Variants in DTWD2 observed in about 807,000 individuals in gnomAD.
DTWD2 encodes tRNA-uridine aminocarboxypropyltransferase 2.
DTWD2 carries 39 observed loss-of-function variants against 31.8 expected under a neutral mutation model. The observed-to-expected ratio is 1.22, with a 90% CI of 0.95 to 1.60. The LOEUF is 1.60. Among genes scored for constraint, DTWD2 ranks in the 40% most tolerant of loss-of-function variants. The probability of loss-of-function intolerance (pLI) is 0.00; values close to 1 mark genes in which losing one functional copy is unlikely to be tolerated. For missense variants in DTWD2, 515 were observed against 381.5 expected, an observed-to-expected ratio of 1.35 and a Z score of -2.92; for synonymous variants, 180 against 142.8, an observed-to-expected ratio of 1.26 and a Z score of -1.86.
chr5:118,864,898 G>C (rs1580774103), intron 4 of DTWD2, among the ~76,000 whole-genome samples: 2 of 152,048 alleles, frequency 1.3e-5, no homozygotes, highest in African/African-American at 2.4e-5. Context: ...GGCTGCCAAA[G>C]CCATATTGCG....
chr5:118,936,581 G>A (rs568180470), intron 3 of DTWD2, among the ~76,000 whole-genome samples: 1 of 152,212 alleles, frequency 6.6e-6, no homozygotes, highest in African/African-American at 2.4e-5. Context: ...AAGATGAGAG[G>A]ATCACTTGAG....
intron 4 of DTWD2, among the ~76,000 whole-genome samples, chr5:118,914,338 A>C (rs141825031): frequency 4.8e-4 from 73 of 152,240 alleles, no homozygotes; most frequent in African/African-American, 1.6e-3. Flanking sequence ...GACAAAGCAC[A>C]CCATCTTGGA....
intron 4 of DTWD2, among the ~76,000 whole-genome samples, chr5:118,866,354 TA>T (rs1752380761): frequency 1.3e-5 from 2 of 152,226 alleles, no homozygotes; most frequent in East Asian, 3.9e-4. Context: ...GACAGCATAC[TA>T]GTGATTACAG....
chr5:118,872,344 A>T (rs1752524503), intron 4 of DTWD2, among the ~76,000 whole-genome samples: 1 of 152,228 alleles, frequency 6.6e-6, no homozygotes, highest in Admixed American at 6.5e-5. Flanking sequence ...TTGGTACAAG[A>T]GGCCTAGTTT....
At chr5:118,944,490 T>C (rs1415973684) in intron 2 of DTWD2, 69 bp downstream of exon 2, 6 of 1,452,948 alleles carry the variant, frequency 4.1e-6, no homozygotes, top group Non-Finnish European at 5.7e-6. Flanking sequence ...AGGATAAGTA[T>C]GTTTATCTTC....
chr5:118,884,433 C>T (rs1002869217), intron 4 of DTWD2, among the ~76,000 whole-genome samples: 1 of 152,162 alleles, frequency 6.6e-6, no homozygotes, highest in Non-Finnish European at 1.5e-5. Flanking sequence ...GAAGATAATT[C>T]CATGTCACAT....
chr5:118,836,797 C>G lies in DTWD2; in HGVS notation c.*4120G>C, dbSNP rs1751580354. On this transcript the variant is annotated 3_prime_UTR_variant, in exon 6 of 6. Transcript: ENST00000510708. ...CACCATCTATGAACCAGTGAGTGGG[C>G]CCCTCACCAGACACCAAATCTGCTG... Among the ~76,000 whole-genome samples, 1 of 152,098 alleles carries G rather than the reference C, an allele frequency of 6.6e-6. No individual in the cohort carries two copies. Among genetic ancestry groups the G allele is most frequent in the South Asian group, 2.1e-4 (1 of 4,828 alleles).
At chr5:118,844,536 G>A (rs903116965) in intron 5 of DTWD2, among the ~76,000 whole-genome samples, 11 of 152,250 alleles carry the variant, frequency 7.2e-5, no homozygotes, top group Admixed American at 1.3e-4. Flanking sequence ...CAACTGTGGC[G>A]ATTACTCATT....
At chr5:118,877,343 G>T (rs1463300096) in intron 4 of DTWD2, among the ~76,000 whole-genome samples, 2 of 152,018 alleles carry the variant, frequency 1.3e-5, no homozygotes, top group African/African-American at 4.8e-5. Context: ...GTGGTGGCGG[G>T]TGCCTGTAGT....
At chr5:118,981,199 T>C (rs1413770646) in intron 1 of DTWD2, among the ~76,000 whole-genome samples, 2 of 151,870 alleles carry the variant, frequency 1.3e-5, no homozygotes, top group Non-Finnish European at 2.9e-5. Flanking sequence ...GAGGGAAAAA[T>C]AGGAAATTAC....
At position 118,987,293 on chromosome 5, in the gene DTWD2, T is replaced by C. The variant is rs115669222; in HGVS notation, c.218+1001A>G. Among the ~76,000 whole-genome samples, 811 of 152,328 alleles carry C rather than the reference T, an allele frequency of 5.3e-3. 10 individuals carry two copies. The highest frequency in any genetic ancestry group is 0.019 in the African/African-American group (772 of 41,574). ...CCTCAGAGGTTTACTGAGCGTCAAC[T>C]ATACATAGTACATTTAGAAAATATA... is the stretch of plus-strand genomic sequence containing the variant. On this transcript the variant is annotated intron_variant, in intron 1 of 5. Transcript: ENST00000510708.
rs1002495645 is a variant in DTWD2 at position 118,963,930 on chromosome 5, C to G, written c.219-19281G>C. Among the ~76,000 whole-genome samples the G allele has an allele frequency of 3.3e-5, 5 of 152,296 alleles. No individual in the cohort carries two copies. In the South Asian group the frequency reaches 8.3e-4, roughly 25 times the overall value. ...GAAAGAAGATATAAGCATTTGCAGGCCAGGTGCAGTGCTTCACACCTGTAA... is the reference window on the plus strand; with the variant it reads ...GAAAGAAGATATAAGCATTTGCAGGGCAGGTGCAGTGCTTCACACCTGTAA... On this transcript the variant is annotated intron_variant, in intron 1 of 5. Transcript: ENST00000510708.
chr5:118,840,849 C>A lies in DTWD2; in HGVS notation c.*68G>T. The A allele has an allele frequency of 6.6e-7, 1 of 1,526,100 alleles. No homozygotes were observed. The allele number at this position is 1,526,100 out of a possible 1,614,324, so 94.5% of individuals were successfully genotyped here. On this transcript the variant is annotated 3_prime_UTR_variant, in exon 6 of 6. Coordinates refer to ENST00000510708, the MANE Select transcript of DTWD2 (RefSeq NM_173666.4). ...CAAGTCAAAAACCTACAGACCTTAA[C>A]TATATGAAAACTTAATTTGGTATTG...
intron 4 of DTWD2, among the ~76,000 whole-genome samples, chr5:118,901,037 G>A (rs1006177342): frequency 3.3e-5 from 5 of 151,536 alleles, no homozygotes; most frequent in Non-Finnish European, 5.9e-5. Context: ...AAATATTTAT[G>A]TATTCACATA....
At chr5:118,985,806 G>T (rs1172366374) in intron 1 of DTWD2, among the ~76,000 whole-genome samples, 1 of 152,102 alleles carries the variant, frequency 6.6e-6, no homozygotes, top group South Asian at 2.1e-4. Flanking sequence ...CTTTTACTTT[G>T]AAAAGTTCAG....
At position 118,900,484 on chromosome 5, in the gene DTWD2, CTAAA is replaced by C. The variant is rs534800237; in HGVS notation, c.597+28049_597+28052del. 4.5e-4 allele frequency among the ~76,000 whole-genome samples: 69 copies of C among 152,070 alleles called. 1 individual carries two copies. The highest frequency in any genetic ancestry group is 1.6e-3 in the African/African-American group (65 of 41,478). ...AGAAGTATAAAGTTGTGGCAGTGAG[CTAAA>C]TAAAGAAGCACTCATTTTATAGAAA... On this transcript the variant is annotated intron_variant, in intron 4 of 5. Transcript: ENST00000510708.
At chr5:118,867,223 TATATA>T (rs1752399155) in intron 4 of DTWD2, among the ~76,000 whole-genome samples, 1 of 152,214 alleles carries the variant, frequency 6.6e-6, no homozygotes, top group South Asian at 2.1e-4. Flanking sequence ...ACAGGCAGAA[TATATA>T]ATATCTTAGT....
chr5:118,907,206 G>A (rs963167283), intron 4 of DTWD2, among the ~76,000 whole-genome samples: 1 of 152,136 alleles, frequency 6.6e-6, no homozygotes, highest in East Asian at 1.9e-4. Context: ...TTCAAATATA[G>A]CTTTGCCATT....
At chr5:118,846,079 A>T (rs1561423165) in intron 5 of DTWD2, among the ~76,000 whole-genome samples, 1 of 152,186 alleles carries the variant, frequency 6.6e-6, no homozygotes, top group Non-Finnish European at 1.5e-5. Context: ...GTTAACTTTG[A>T]AAGAATTCAC....
Sources: allele counts gnomAD v4.1 joint callset (sites outside exome capture counted in the v4.1 genomes callset), GRCh38; gene constraint gnomAD v4.1.1; transcripts MANE v1.5; gene names NCBI Gene and HGNC (gene_info 2026-07-23, HGNC 2026-07-21).